The following TRIM9 variants were observed in gnomAD, a reference collection of about 807,000 sequenced individuals.
TRIM9 encodes the protein tripartite motif containing 9, also known as E3 ubiquitin-protein ligase TRIM9.
A neutral mutation model predicts 78.3 loss-of-function variants in TRIM9; 26 were observed. The observed-to-expected ratio is 0.33, with a 90% CI of 0.24 to 0.46. The LOEUF (loss-of-function observed/expected upper bound fraction) is 0.46, where lower values mean the gene tolerates loss of function less well. Among genes scored for constraint, TRIM9 ranks in the 20% least tolerant of loss-of-function variants. The pLI, the probability that TRIM9 is intolerant of heterozygous loss-of-function variation, is 1.00. For synonymous variants in TRIM9, 398 were observed against 416.5 expected (o/e 0.96, Z 0.54); for missense variants, 787 against 1,036.4 (o/e 0.76, Z 3.30).
At chr14:50,987,015 C>T (rs1178314246) in intron 7 of TRIM9, among the ~76,000 whole-genome samples, 3 of 152,150 alleles carry the variant, frequency 2.0e-5, no homozygotes, top group Non-Finnish European at 4.4e-5. Context: ...TTTTGTCAAA[C>T]AATAGCTGGT....
chr14:51,000,451 A>G (rs530773121), intron 6 of TRIM9, among the ~76,000 whole-genome samples: 105 of 152,182 alleles, frequency 6.9e-4, no homozygotes, highest in Non-Finnish European at 9.0e-4. Flanking sequence ...AGGCAGTCTG[A>G]CTCCAGTACT....
chr14:50,990,681 G>C (rs1416903122), intron 7 of TRIM9, among the ~76,000 whole-genome samples: 1 of 152,160 alleles, frequency 6.6e-6, no homozygotes, highest in Non-Finnish European at 1.5e-5. Context: ...TAGAAGTCTG[G>C]GTTGTCCTCC....
intron 1 of TRIM9, among the ~76,000 whole-genome samples, chr14:51,046,765 C>T (rs111965180): frequency 6.6e-6 from 1 of 152,324 alleles, no homozygotes; most frequent in African/African-American, 2.4e-5. Flanking sequence ...ATTAAAAACT[C>T]TATACCTTCG....
At chr14:51,091,974 G>A (rs1333106533) in intron 1 of TRIM9, among the ~76,000 whole-genome samples, 1 of 152,114 alleles carries the variant, frequency 6.6e-6, no homozygotes, top group African/African-American at 2.4e-5. Flanking sequence ...ATAGATCAAG[G>A]ATAGGCTTGT....
At chr14:51,065,381 A>G (rs2061651638) in intron 1 of TRIM9, among the ~76,000 whole-genome samples, 1 of 152,234 alleles carries the variant, frequency 6.6e-6, no homozygotes, top group African/African-American at 2.4e-5. Flanking sequence ...CCAATAGTCC[A>G]GAAAACCCTC....
At chr14:51,002,956 C>T (rs892180486) in intron 5 of TRIM9, among the ~76,000 whole-genome samples, 2 of 152,326 alleles carry the variant, frequency 1.3e-5, no homozygotes, top group Admixed American at 6.5e-5. Flanking sequence ...CAAAGAGCTA[C>T]AGCTACTGCA....
intron 3 of TRIM9, among the ~76,000 whole-genome samples, chr14:51,021,181 A>T (rs763094032): frequency 1.3e-5 from 2 of 152,162 alleles, no homozygotes; most frequent in African/African-American, 2.4e-5. Context: ...TTTTTTAGCA[A>T]TGTTAGGCCA....
chr14:51,064,222 C>A (rs1455868342), intron 1 of TRIM9, among the ~76,000 whole-genome samples: 1 of 151,868 alleles, frequency 6.6e-6, no homozygotes, highest in African/African-American at 2.4e-5. Flanking sequence ...ATCTCTAGGG[C>A]AGCTAGAATA....
chr14:51,042,932 A>T (rs2059678601), intron 1 of TRIM9, among the ~76,000 whole-genome samples: 2 of 152,170 alleles, frequency 1.3e-5, no homozygotes, highest in Non-Finnish European at 2.9e-5. Flanking sequence ...AGGTATGTAA[A>T]TATATACATA....
intron 1 of TRIM9, among the ~76,000 whole-genome samples, chr14:51,038,422 G>A (rs533436356): frequency 6.6e-6 from 1 of 152,298 alleles, no homozygotes; most frequent in Non-Finnish European, 1.5e-5. Flanking sequence ...CACCTGAGAA[G>A]GCAGTTGGTT....
At chr14:50,998,002 A>AGAT (rs2054445135) in intron 7 of TRIM9, 48 bp downstream of exon 7, 1 of 1,611,766 alleles carries the variant, frequency 6.2e-7, no homozygotes, top group African/African-American at 1.3e-5. Flanking sequence ...CAGCCACTTT[A>AGAT]GATGCCACGC....
At chr14:50,988,095 C>A (rs2052964043) in intron 7 of TRIM9, among the ~76,000 whole-genome samples, 1 of 152,152 alleles carries the variant, frequency 6.6e-6, no homozygotes, top group Non-Finnish European at 1.5e-5. Flanking sequence ...AGCTACCACA[C>A]CCGGACTAAA....
intron 7 of TRIM9, among the ~76,000 whole-genome samples, chr14:50,992,418 A>G (rs116069951): frequency 0.25 from 38,006 of 149,392 alleles, 4,908 homozygotes; most frequent in Non-Finnish European, 0.29. Flanking sequence ...TCTCTACGGA[A>G]AAAAAAAAAA....
At chr14:51,001,718 A>C (rs1285520026) in intron 5 of TRIM9, among the ~76,000 whole-genome samples, 1 of 151,742 alleles carries the variant, frequency 6.6e-6, no homozygotes, top group Admixed American at 6.6e-5. Flanking sequence ...GATTTTTGAA[A>C]ATTTGGATCC....
intron 6 of TRIM9, 140 bp downstream of exon 6, chr14:51,000,543 T>A: frequency 8.9e-7 from 1 of 1,129,534 alleles, no homozygotes. Flanking sequence ...AAAGCAGGCT[T>A]CAGGTGAAGG....
intron 7 of TRIM9, chr14:50,997,253 T>A (rs2054329702): frequency 2.0e-6 from 2 of 985,388 alleles, no homozygotes; most frequent in Middle Eastern, 1.0e-3. Context: ...TATCTGGCCA[T>A]CAAATTCAAG....
chr14:51,090,003 G>A (rs1320152662), intron 1 of TRIM9: 1 of 152,194 alleles, frequency 6.6e-6, no homozygotes, highest in African/African-American at 2.4e-5. Context: ...AGTACAGACA[G>A]GTGATGATAC....
At chr14:51,046,899 G>A (rs184811951) in intron 1 of TRIM9, among the ~76,000 whole-genome samples, 107 of 152,328 alleles carry the variant, frequency 7.0e-4, no homozygotes, top group Non-Finnish European at 1.0e-3. Flanking sequence ...CAGGAAAACC[G>A]TTGGCTCTTA....
At chr14:51,082,098 G>A (rs919627449) in intron 1 of TRIM9, among the ~76,000 whole-genome samples, 1 of 152,146 alleles carries the variant, frequency 6.6e-6, no homozygotes, top group African/African-American at 2.4e-5. Flanking sequence ...GTTCACATTT[G>A]GACTTCACAG....
Sources: gnomAD v4.1 joint callset for allele counts (sites outside exome capture counted in the v4.1 genomes callset) on GRCh38, gnomAD v4.1.1 for gene constraint, MANE v1.5 for transcripts, NCBI Gene and HGNC (gene_info 2026-07-23, HGNC 2026-07-21) for gene names.